SYNDIG1: variants seen among roughly 807,000 people sequenced by gnomAD.
SYNDIG1 encodes the protein synapse differentiation-inducing gene protein 1.
A neutral mutation model predicts 19.4 loss-of-function variants in SYNDIG1; 9 were observed. The ratio of observed to expected loss-of-function variants is 0.46; its 90% CI spans 0.28 to 0.81. SYNDIG1 has a LOEUF of 0.81. Ranked by LOEUF, SYNDIG1 falls within the 30% of genes least tolerant of loss-of-function variation. SYNDIG1 has a pLI of 0.12. For missense variants in SYNDIG1, 311 were observed against 343.3 expected (o/e 0.91, Z 0.74); for synonymous variants, 141 against 145.9 (o/e 0.97, Z 0.24).
intron 3 of SYNDIG1, among the ~76,000 whole-genome samples, chr20:24,647,601 C>T (rs996736771): frequency 4.6e-5 from 7 of 151,916 alleles, no homozygotes; most frequent in Non-Finnish European, 1.0e-4. Context: ...AGCCCTGAAA[C>T]AGCAGCTTTC....
chr20:24,526,216 G>T (rs2057120257), intron 1 of SYNDIG1, among the ~76,000 whole-genome samples: 1 of 152,022 alleles, frequency 6.6e-6, no homozygotes, highest in Non-Finnish European at 1.5e-5. Context: ...TACCTATTGT[G>T]AATACTGATA....
chr20:24,494,863 G>C (rs957362732), intron 1 of SYNDIG1, among the ~76,000 whole-genome samples: 1 of 152,172 alleles, frequency 6.6e-6, no homozygotes, highest in African/African-American at 2.4e-5. Context: ...AAATGCACTT[G>C]GTGCCCTGGC....
At chr20:24,627,671 C>T (rs1011399703) in intron 3 of SYNDIG1, among the ~76,000 whole-genome samples, 2 of 152,266 alleles carry the variant, frequency 1.3e-5, no homozygotes, top group Non-Finnish European at 2.9e-5. Context: ...TTCCCAGTCT[C>T]AGAAATGTCC....
At chr20:24,583,872 C>G (rs2058369706) in intron 2 of SYNDIG1, among the ~76,000 whole-genome samples, 1 of 152,100 alleles carries the variant, frequency 6.6e-6, no homozygotes, top group Admixed American at 6.6e-5. Context: ...ACACTGGGGC[C>G]TGCCAGAGGT....
chr20:24,488,900 G>T (rs1445573624), intron 1 of SYNDIG1, among the ~76,000 whole-genome samples: 1 of 152,206 alleles, frequency 6.6e-6, no homozygotes, highest in African/African-American at 2.4e-5. Flanking sequence ...TCGCTCCACA[G>T]CTCTGGAATG....
intron 3 of SYNDIG1, among the ~76,000 whole-genome samples, chr20:24,601,297 C>A (rs1442605072): frequency 6.6e-6 from 1 of 152,032 alleles, no homozygotes; most frequent in East Asian, 1.9e-4. Flanking sequence ...GTGGTAATTT[C>A]TTCATTAAGT....
At chr20:24,642,733 A>C (rs1422186320) in intron 3 of SYNDIG1, among the ~76,000 whole-genome samples, 1 of 150,212 alleles carries the variant, frequency 6.7e-6, no homozygotes, top group African/African-American at 2.5e-5. Flanking sequence ...ACATTTTTGC[A>C]CCGCAAGATG....
chr20:24,470,403 G>C (rs1953753547), intron 1 of SYNDIG1, among the ~76,000 whole-genome samples: 1 of 152,242 alleles, frequency 6.6e-6, no homozygotes, highest in South Asian at 2.1e-4. Flanking sequence ...CTTTCCTCTA[G>C]CCAGGACAAG....
At chr20:24,491,653 A>C (rs200043197) in intron 1 of SYNDIG1, 1 of 152,324 alleles carries the variant, frequency 6.6e-6, no homozygotes, top group East Asian at 1.9e-4. Flanking sequence ...CCCAACACTG[A>C]CACTGACCTT....
chr20:24,472,654 C>T (rs943164899), intron 1 of SYNDIG1, among the ~76,000 whole-genome samples: 3 of 152,156 alleles, frequency 2.0e-5, no homozygotes, highest in Non-Finnish European at 4.4e-5. Context: ...TCTGAAAAGG[C>T]TCTGTGCTTG....
intron 3 of SYNDIG1, among the ~76,000 whole-genome samples, chr20:24,594,163 A>T (rs1219171738): frequency 6.6e-6 from 1 of 152,142 alleles, no homozygotes; most frequent in Non-Finnish European, 1.5e-5. Flanking sequence ...TTATAATTGT[A>T]CATTTCACAT....
At chr20:24,521,759 G>A (rs796420097) in intron 1 of SYNDIG1, among the ~76,000 whole-genome samples, 3 of 152,046 alleles carry the variant, frequency 2.0e-5, no homozygotes, top group African/African-American at 7.2e-5. Context: ...AATTAGCTGG[G>A]TGTGGTGGTG....
intron 3 of SYNDIG1, among the ~76,000 whole-genome samples, chr20:24,636,509 G>T (rs760020053): frequency 3.1e-4 from 47 of 152,320 alleles, no homozygotes; most frequent in Non-Finnish European, 5.3e-4. Flanking sequence ...GTTGGACCAG[G>T]TGTGCCATTT....
At chr20:24,561,791 G>A (rs1250613588) in intron 2 of SYNDIG1, among the ~76,000 whole-genome samples, 1 of 152,204 alleles carries the variant, frequency 6.6e-6, no homozygotes, top group Non-Finnish European at 1.5e-5. Flanking sequence ...TTCCCAACAT[G>A]CAGTAAATAT....
At chr20:24,555,017 C>T (rs2057784468) in intron 2 of SYNDIG1, among the ~76,000 whole-genome samples, 1 of 152,114 alleles carries the variant, frequency 6.6e-6, no homozygotes, top group African/African-American at 2.4e-5. Context: ...TCAGCTTCTT[C>T]CTGGTTTAGT....
chr20:24,645,700 A>C (rs1195939219), intron 3 of SYNDIG1, among the ~76,000 whole-genome samples: 1 of 152,238 alleles, frequency 6.6e-6, no homozygotes, highest in East Asian at 1.9e-4. Flanking sequence ...ACCTGGGCTG[A>C]GAGAGGCGGA....
intron 3 of SYNDIG1, among the ~76,000 whole-genome samples, chr20:24,608,124 G>A (rs1218234258): frequency 6.6e-6 from 1 of 151,646 alleles, no homozygotes; most frequent in Non-Finnish European, 1.5e-5. Context: ...ATCTATCAAT[G>A]CTTTCTAGAG....
intron 1 of SYNDIG1, among the ~76,000 whole-genome samples, chr20:24,509,232 A>G (rs1435401479): frequency 6.6e-6 from 1 of 152,210 alleles, no homozygotes; most frequent in Non-Finnish European, 1.5e-5. Context: ...GTGTATTTCA[A>G]TTATTTGTGA....
At chr20:24,537,317 A>G (rs2057381743) in intron 1 of SYNDIG1, among the ~76,000 whole-genome samples, 1 of 152,046 alleles carries the variant, frequency 6.6e-6, no homozygotes, top group African/African-American at 2.4e-5. Context: ...CCATCAACCA[A>G]CTTTGGTGGT....
Sources: gnomAD v4.1 joint callset for allele counts (sites outside exome capture counted in the v4.1 genomes callset) on GRCh38, gnomAD v4.1.1 for gene constraint, MANE v1.5 for transcripts, NCBI Gene and HGNC (gene_info 2026-07-23, HGNC 2026-07-21) for gene names.